The following PTPRN2 variants were observed in gnomAD, a reference collection of about 807,000 sequenced individuals.
The protein encoded by PTPRN2 is protein tyrosine phosphatase receptor type N2, also known as receptor-type tyrosine-protein phosphatase N2.
Under a neutral mutation model 118.8 loss-of-function variants are expected in PTPRN2, and 74 were observed. The ratio of observed to expected loss-of-function variants is 0.62; its 90% CI spans 0.52 to 0.76. The LOEUF (loss-of-function observed/expected upper bound fraction) is 0.76, where lower values mean the gene tolerates loss of function less well. PTPRN2 is among the 30% of genes least tolerant of loss of function. PTPRN2 has a pLI of 0.00. For synonymous variants in PTPRN2, 641 were observed against 608.0 expected (o/e 1.05, Z -0.80); for missense variants, 1,481 against 1,394.4 (o/e 1.06, Z -0.99).
chr7:158,146,368 G>A (rs558070150), intron 6 of PTPRN2, among the ~76,000 whole-genome samples: 13 of 152,130 alleles, frequency 8.5e-5, no homozygotes, highest in Non-Finnish European at 1.2e-4. Flanking sequence ...CCTACCCATT[G>A]ATTGCACCAA....
rs1799103263 is a variant in PTPRN2 at position 157,560,085 on chromosome 7, T to A, written c.2902+8817A>T. Among the ~76,000 whole-genome samples, 1 of 152,108 alleles carries A rather than the reference T, an allele frequency of 6.6e-6. No homozygotes were observed. The highest frequency in any genetic ancestry group is 2.4e-5 in the African/African-American group (1 of 41,430). On this transcript the variant is annotated intron_variant, in intron 21 of 22. Coordinates refer to ENST00000389418, the MANE Select transcript of PTPRN2 (RefSeq NM_002847.5). The surrounding 1 kb of genome is among the most constrained non-coding windows in gnomAD (Gnocchi z 6.7). The stretch of plus-strand genomic sequence containing the variant: ...GGGACCTGAACGACATTTTGCGGCA[T>A]CCAATGGGCCTGAGGTGTCTGCGTG...
At chr7:158,469,956 C>T (rs936865311) in intron 2 of PTPRN2, among the ~76,000 whole-genome samples, 5 of 148,408 alleles carry the variant, frequency 3.4e-5, no homozygotes, top group African/African-American at 1.3e-4. Context: ...GGGATTTGTC[C>T]TAGTGCATCA....
chr7:158,369,083 A>G (rs1290925919), intron 2 of PTPRN2, among the ~76,000 whole-genome samples: 2 of 151,956 alleles, frequency 1.3e-5, no homozygotes, highest in Non-Finnish European at 2.9e-5. Context: ...ACAAGACTAG[A>G]CTGGCCTAGC....
At chr7:158,139,472 C>G (rs1819168204) in intron 6 of PTPRN2, among the ~76,000 whole-genome samples, 1 of 151,900 alleles carries the variant, frequency 6.6e-6, no homozygotes, top group Non-Finnish European at 1.5e-5. Flanking sequence ...GGCATCCAAG[C>G]CGTCGGAGTC....
intron 8 of PTPRN2, among the ~76,000 whole-genome samples, chr7:158,135,023 A>G (rs1296601754): frequency 6.6e-6 from 1 of 152,164 alleles, no homozygotes; most frequent in African/African-American, 2.4e-5. Context: ...GCTTCCTAGG[A>G]AAGACCGGGT....
chr7:158,352,499 A>T (rs1358482836), intron 2 of PTPRN2, among the ~76,000 whole-genome samples: 1 of 152,178 alleles, frequency 6.6e-6, no homozygotes, highest in Non-Finnish European at 1.5e-5. Flanking sequence ...TGATGCCTGG[A>T]CCCTGAGGTG....
At chr7:157,981,605 TTA>T (rs551716000) in intron 11 of PTPRN2, among the ~76,000 whole-genome samples, 24 of 114,568 alleles carry the variant, frequency 2.1e-4, no homozygotes, top group Admixed American at 3.0e-4. Flanking sequence ...GTAATTCAGT[TTA>T]CTTTATTTTA....
At chr7:157,689,646 G>A (rs1797373437) in intron 12 of PTPRN2, among the ~76,000 whole-genome samples, 1 of 152,242 alleles carries the variant, frequency 6.6e-6, no homozygotes, top group Non-Finnish European at 1.5e-5. Flanking sequence ...AGGTAGTTAC[G>A]AAGGAAGGAA....
intron 11 of PTPRN2, among the ~76,000 whole-genome samples, chr7:157,936,788 G>A (rs1799733716): frequency 6.6e-6 from 1 of 152,170 alleles, no homozygotes; most frequent in Admixed American, 6.5e-5. Context: ...CCTGTGCAAA[G>A]CTCTTCAGAG....
intron 2 of PTPRN2, among the ~76,000 whole-genome samples, chr7:158,364,310 C>A (rs28503483): frequency 0.035 from 4,616 of 132,786 alleles, 169 homozygotes; most frequent in African/African-American, 0.12. Context: ...ACAGCAGGGT[C>A]TGCAGAGCCC....
intron 12 of PTPRN2, among the ~76,000 whole-genome samples, chr7:157,730,371 T>C (rs1315764568): frequency 1.3e-5 from 2 of 152,184 alleles, no homozygotes; most frequent in East Asian, 1.9e-4. Flanking sequence ...AAAACGAGGA[T>C]GAGGAGCCAA....
intron 3 of PTPRN2, among the ~76,000 whole-genome samples, chr7:158,260,600 T>G (rs1797333350): frequency 6.6e-6 from 1 of 151,814 alleles, no homozygotes; most frequent in Non-Finnish European, 1.5e-5. Context: ...CCATGACATT[T>G]ATCCTACGGA....
At chr7:157,580,217 T>C (rs1467616003) in intron 17 of PTPRN2, among the ~76,000 whole-genome samples, 1 of 152,168 alleles carries the variant, frequency 6.6e-6, no homozygotes, top group Non-Finnish European at 1.5e-5. Context: ...AAGTTAACAT[T>C]GGTTTGTGTC....
At chr7:157,755,383 T>A (rs1165272690) in intron 12 of PTPRN2, among the ~76,000 whole-genome samples, 1 of 152,122 alleles carries the variant, frequency 6.6e-6, no homozygotes, top group East Asian at 1.9e-4. Context: ...TAGTCCTGGG[T>A]ACGAATGGGA....
At chr7:157,751,506 C>T (rs750558130) in intron 12 of PTPRN2, among the ~76,000 whole-genome samples, 12 of 152,132 alleles carry the variant, frequency 7.9e-5, no homozygotes, top group Admixed American at 4.6e-4. Flanking sequence ...TGCTCTCCAG[C>T]GCCCACGGAG....
chr7:158,138,605 G>A, intron 6 of PTPRN2, 90 bp from the exon 7 acceptor site: 1 of 1,293,110 alleles, frequency 7.7e-7, no homozygotes, highest in South Asian at 1.3e-5. Context: ...GTGGGCGTCT[G>A]CGGCGTCCCA....
chr7:158,332,783 T>C (rs1328995360), intron 2 of PTPRN2, among the ~76,000 whole-genome samples: 1 of 150,784 alleles, frequency 6.6e-6, no homozygotes, highest in Admixed American at 6.6e-5. Flanking sequence ...ACTCTCACCA[T>C]AAGAGCTGAT....
chr7:157,822,450 A>C (rs1806905741), intron 12 of PTPRN2, among the ~76,000 whole-genome samples: 1 of 151,874 alleles, frequency 6.6e-6, no homozygotes, highest in Non-Finnish European at 1.5e-5. Context: ...ACTATCCATC[A>C]TCCATCTATC....
In PTPRN2 at chr7:157,872,967, C is replaced by T. The variant is rs115981745; in HGVS notation, c.1788+25706G>A. Among the ~76,000 whole-genome samples the T allele has an allele frequency of 2.8e-3, 429 of 152,354 alleles. 1 individual carries two copies. The highest frequency in any genetic ancestry group is 9.9e-3 in the African/African-American group (410 of 41,592). On this transcript the variant is annotated intron_variant, in intron 12 of 22. Transcript: ENST00000389418. ...GGTGGTGCTTGTCCTCTTCCTGGGA[C>T]ACTTTTCTGTCTGCACTAGAACTTG...
Sources: allele counts gnomAD v4.1 joint callset (sites outside exome capture counted in the v4.1 genomes callset), GRCh38; gene constraint gnomAD v4.1.1; non-coding constraint Gnocchi (gnomAD v3.1); transcripts MANE v1.5; gene names NCBI Gene and HGNC (gene_info 2026-07-23, HGNC 2026-07-21).